CAMK4: variants seen among roughly 807,000 people sequenced by gnomAD.
CAMK4 encodes calcium/calmodulin-dependent protein kinase type IV.
A neutral mutation model predicts 44.9 loss-of-function variants in CAMK4; 22 were observed. That is an observed-to-expected ratio of 0.49 (90% confidence interval 0.35 to 0.70). The LOEUF is 0.70. Ranked by LOEUF, CAMK4 falls within the 30% of genes least tolerant of loss-of-function variation. The probability of loss-of-function intolerance (pLI) is 0.01; values close to 1 mark genes in which losing one functional copy is unlikely to be tolerated. For missense variants in CAMK4, 498 were observed against 586.8 expected (o/e 0.85, Z 1.56); for synonymous variants, 218 against 215.4 (o/e 1.01, Z -0.11).
intron 7 of CAMK4, among the ~76,000 whole-genome samples, chr5:111,451,792 A>G (rs1001205186): frequency 3.9e-5 from 6 of 152,104 alleles, no homozygotes; most frequent in African/African-American, 1.4e-4. Flanking sequence ...CTAGTTACTC[A>G]GGAGGCTGAG....
intron 2 of CAMK4, among the ~76,000 whole-genome samples, chr5:111,352,682 G>C (rs1644497): frequency 6.7e-6 from 1 of 149,738 alleles, no homozygotes; most frequent in South Asian, 2.2e-4. Context: ...AGGGAGGGAA[G>C]GGGAGAGGGG....
chr5:111,473,403 A>G lies in CAMK4; in HGVS notation c.701+17A>G. On this transcript the variant is annotated intron_variant, in intron 8 of 10. Transcript: ENST00000282356. Reference sequence around the variant, plus strand: ...CTACATCTTGTAAGTGAAGAAAAGCAATATTTATGTAAACTATTTACCTTG... The same window carrying G: ...CTACATCTTGTAAGTGAAGAAAAGCGATATTTATGTAAACTATTTACCTTG... 1 of 1,493,934 alleles carries G rather than the reference A, an allele frequency of 6.7e-7. No individual in the cohort carries two copies. The allele number at this position is 1,493,934 out of a possible 1,614,324, so 92.5% of individuals were successfully genotyped here.
rs141614387 is a variant in CAMK4 at position 111,317,143 on chromosome 5, A to G, written c.162-26881A>G. 2.7e-4 allele frequency among the ~76,000 whole-genome samples: 41 copies of G among 152,280 alleles called. No individual in the cohort carries two copies. In the East Asian group the frequency reaches 6.8e-3, roughly 25 times the overall value. On this transcript the variant is annotated intron_variant, in intron 1 of 10. Coordinates refer to ENST00000282356, the MANE Select transcript of CAMK4 (RefSeq NM_001744.6). The stretch of plus-strand genomic sequence containing the variant: ...TTCTGATACCTGTAAGAGGGACTAA[A>G]TATTAATGCATCTGATAAGAAACAA...
At chr5:111,470,341 G>A (rs1475428079) in intron 7 of CAMK4, among the ~76,000 whole-genome samples, 1 of 152,156 alleles carries the variant, frequency 6.6e-6, no homozygotes, top group Non-Finnish European at 1.5e-5. Flanking sequence ...TAATTCATCT[G>A]TAGATTAAAA....
chr5:111,442,541 T>TATAC (rs755648611), intron 5 of CAMK4, among the ~76,000 whole-genome samples: 1 of 131,834 alleles, frequency 7.6e-6, no homozygotes, highest in Non-Finnish European at 1.6e-5. Flanking sequence ...TATATATATA[T>TATAC]ATACACACAC....
At chr5:111,335,096 A>T (rs901281272) in intron 1 of CAMK4, among the ~76,000 whole-genome samples, 1 of 151,650 alleles carries the variant, frequency 6.6e-6, no homozygotes, top group East Asian at 2.0e-4. Context: ...CTTCTGTGTG[A>T]TAAGAGATTC....
chr5:111,338,744 C>T (rs1342077493), intron 1 of CAMK4, among the ~76,000 whole-genome samples: 1 of 151,212 alleles, frequency 6.6e-6, no homozygotes, highest in East Asian at 1.9e-4. Context: ...TTGCTTTTGT[C>T]GAATTGTTGA....
At chr5:111,403,867 C>T (rs1008405780) in intron 5 of CAMK4, among the ~76,000 whole-genome samples, 8 of 152,176 alleles carry the variant, frequency 5.3e-5, no homozygotes, top group African/African-American at 1.9e-4. Flanking sequence ...GGACTTCCCT[C>T]TTTTGATTCT....
At chr5:111,346,341 T>A (rs1037913687) in intron 2 of CAMK4, among the ~76,000 whole-genome samples, 7 of 151,998 alleles carry the variant, frequency 4.6e-5, no homozygotes, top group Non-Finnish European at 1.0e-4. Context: ...ATTAATGCAA[T>A]TTTTTACTTA....
chr5:111,245,382 A>C lies in CAMK4; in HGVS notation c.161+20738A>C, dbSNP rs1239824017. Reference sequence around the variant, plus strand: ...ATTTATTGTTGATAATAATAGCAGAAATTTTTATTATTGGTAAAAGGGAAA... The same window carrying C: ...ATTTATTGTTGATAATAATAGCAGACATTTTTATTATTGGTAAAAGGGAAA... On this transcript the variant is annotated intron_variant, in intron 1 of 10. Coordinates refer to ENST00000282356, the MANE Select transcript of CAMK4 (RefSeq NM_001744.6). Among the ~76,000 whole-genome samples the C allele has an allele frequency of 2.0e-5, 3 of 152,210 alleles. No individual in the cohort carries two copies. In the East Asian group the frequency reaches 5.8e-4, roughly 29 times the overall value.
chr5:111,294,396 T>C (rs1747402925), intron 1 of CAMK4, among the ~76,000 whole-genome samples: 1 of 152,238 alleles, frequency 6.6e-6, no homozygotes, highest in East Asian at 1.9e-4. Flanking sequence ...ATGTGCATAC[T>C]TTAAAAATAG....
chr5:111,469,163 AAAAAAAAAAATATATATATATAT>A lies in CAMK4; in HGVS notation c.626-4146_626-4124del, dbSNP rs1244974362. ...CCATCTCAAAAAAAAAAAAAAAAAA[AAAAAAAAAAATATATATATATAT>A]ATATATATATATATATATATTTGAA... On this transcript the variant is annotated intron_variant, in intron 7 of 10. Transcript: ENST00000282356. 3.7e-4 allele frequency among the ~76,000 whole-genome samples: 22 copies of A among 59,314 alleles called. 1 individual carries two copies. Among genetic ancestry groups the A allele is most frequent in the South Asian group, 9.5e-4 (2 of 2,108 alleles). 38.9% of individuals were successfully genotyped at this position (59,314 alleles called of 152,430 possible). A position where few individuals can be genotyped will look rare whatever the true frequency, so the allele number is the denominator to read the frequency against.
chr5:111,449,535 C>T (rs1754155514), intron 7 of CAMK4: 1 of 169,340 alleles, frequency 5.9e-6, no homozygotes, highest in Admixed American at 6.2e-5. Flanking sequence ...GGCCCTTTGT[C>T]ACTTTTCTTT....
Position 111,256,937 on chromosome 5 carries a change from ACAT to A in CAMK4, c.161+32294_161+32296del, listed in dbSNP as rs545055210. 4.3e-3 allele frequency among the ~76,000 whole-genome samples: 659 copies of A among 152,226 alleles called. 3 individuals carry two copies. Among genetic ancestry groups the A allele is most frequent in the South Asian group, 9.1e-3 (44 of 4,828 alleles). On this transcript the variant is annotated intron_variant, in intron 1 of 10. Coordinates refer to ENST00000282356, the MANE Select transcript of CAMK4 (RefSeq NM_001744.6). ...TCAGACAAATCCGTTAAAAAAATAGACATGGCTTTTAAGCAGAAAATTGAAACT... is the reference window on the plus strand; with the variant it reads ...TCAGACAAATCCGTTAAAAAAATAGAGGCTTTTAAGCAGAAAATTGAAACT...
At chr5:111,262,841 C>A (rs1451051823) in intron 1 of CAMK4, among the ~76,000 whole-genome samples, 1 of 152,178 alleles carries the variant, frequency 6.6e-6, no homozygotes, top group Non-Finnish European at 1.5e-5. Context: ...AAATGCTTTG[C>A]AATTACTACT....
At chr5:111,358,741 G>A (rs979584879) in intron 2 of CAMK4, among the ~76,000 whole-genome samples, 2 of 151,700 alleles carry the variant, frequency 1.3e-5, no homozygotes, top group African/African-American at 4.8e-5. Flanking sequence ...CTCCAGGTAG[G>A]CCCCAGTGGC....
chr5:111,343,260 C>G (rs914418543), intron 1 of CAMK4, among the ~76,000 whole-genome samples: 1 of 151,576 alleles, frequency 6.6e-6, no homozygotes, highest in Non-Finnish European at 1.5e-5. Flanking sequence ...ACCATGGGAC[C>G]GAGTATAAGA....
intron 2 of CAMK4, among the ~76,000 whole-genome samples, chr5:111,344,433 T>C (rs5003639): frequency 0.87 from 130,311 of 150,034 alleles, 56,867 homozygotes; most frequent in East Asian, 1. Flanking sequence ...CACACACACA[T>C]ACACACACAC....
intron 2 of CAMK4, among the ~76,000 whole-genome samples, chr5:111,344,700 G>A (rs770449827): frequency 2.0e-5 from 3 of 151,532 alleles, no homozygotes; most frequent in Non-Finnish European, 2.9e-5. Flanking sequence ...TTTGTTTTGG[G>A]GGTTGCTTCT....
Sources: gnomAD v4.1 joint callset for allele counts (sites outside exome capture counted in the v4.1 genomes callset) on GRCh38, gnomAD v4.1.1 for gene constraint, MANE v1.5 for transcripts, NCBI Gene and HGNC (gene_info 2026-07-23, HGNC 2026-07-21) for gene names.